The following PPP2R1A variants were observed in gnomAD, a reference collection of about 807,000 sequenced individuals.
PPP2R1A encodes the protein protein phosphatase 2 scaffold subunit Aalpha.
Under a neutral mutation model 67.1 loss-of-function variants are expected in PPP2R1A, and 15 were observed. The ratio of observed to expected loss-of-function variants is 0.22; its 90% CI spans 0.15 to 0.34. PPP2R1A has a LOEUF of 0.34. Ranked by LOEUF, PPP2R1A falls within the 10% of genes least tolerant of loss-of-function variation. The pLI is 1.00. For synonymous variants in PPP2R1A, 337 were observed against 325.0 expected (o/e 1.04, Z -0.40); for missense variants, 369 against 775.0 (o/e 0.48, Z 6.22).
intron 13 of PPP2R1A, among the ~76,000 whole-genome samples, chr19:52,223,093 A>G (rs10417820): frequency 0.16 from 23,847 of 152,214 alleles, 2,322 homozygotes; most frequent in African/African-American, 0.28. Context: ...TAAATCGCCC[A>G]ATAGAATGGA....
chr19:52,215,910 G>A lies in PPP2R1A; in HGVS notation c.922+17G>A, dbSNP rs369216849. On this transcript the variant is annotated intron_variant, in intron 7 of 14. Transcript: ENST00000322088. The stretch of plus-strand genomic sequence containing the variant: ...AGGTCAAAGGTTGGTGCTGGCAGCC[G>A]GAACACAGCAAGTGGGGTGGGTATC... 6.8e-5 allele frequency: 110 copies of A among 1,613,104 alleles called. No homozygotes were observed. The highest frequency in any genetic ancestry group is 8.1e-5 in the Non-Finnish European group (95 of 1,179,214).
chr19:52,224,431 C>G (rs1420640137), intron 13 of PPP2R1A, among the ~76,000 whole-genome samples: 1 of 152,230 alleles, frequency 6.6e-6, no homozygotes, highest in Non-Finnish European at 1.5e-5. Flanking sequence ...TCTTACGTAC[C>G]AGTTTGGTCT....
rs1423253406 is a variant in PPP2R1A, at chr19:52,216,801, T to C, written c.1128+138T>C. The C allele has an allele frequency of 1.3e-5, 17 of 1,352,932 alleles. No individual in the cohort carries two copies. The highest frequency in any genetic ancestry group is 1.4e-5 in the Non-Finnish European group (14 of 984,630). 83.8% of individuals were successfully genotyped at this position (1,352,932 alleles called of 1,614,324 possible). ...CCAGATCTTTGCTGAGTTGCATGTT[T>C]GTGGGCATAGCTGTGTGTTCATGCG... is the stretch of plus-strand genomic sequence containing the variant. On this transcript the variant is annotated intron_variant, in intron 9 of 14. Coordinates refer to ENST00000322088, the MANE Select transcript of PPP2R1A (RefSeq NM_014225.6). The surrounding 1 kb of genome is among the most constrained non-coding windows in gnomAD (Gnocchi z 4.3).
chr19:52,212,974 CG>C lies in PPP2R1A; in HGVS notation c.673del (p.Val225TrpfsTer5). The C allele has an allele frequency of 1.2e-6, 2 of 1,602,580 alleles. No individual in the cohort carries two copies. Among genetic ancestry groups the C allele is most frequent in the Non-Finnish European group, 1.7e-6 (2 of 1,174,642 alleles). On this transcript the variant is annotated frameshift_variant, in exon 6 of 15. Transcript: ENST00000322088. LOFTEE classifies it high-confidence loss of function. This position sits in a 1 kb window ranked among gnomAD's most constrained non-coding sequence, Gnocchi z 4.1. ...CCCTAGGACTCGGTGCGGCTGCTGG[CG>C]GTGGAGGCGTGCGTGAACATCGCCC... ...SDEQDSVRLL[A>X]VEACVNIAQL...
rs1461821534 is a variant in PPP2R1A, at chr19:52,216,750, G to A, written c.1128+87G>A. ...GCTAGGGTTTACCTAGATTGACCAGGAATCTGCTGATATCTCAACAGACAT... is the reference window on the plus strand; with the variant it reads ...GCTAGGGTTTACCTAGATTGACCAGAAATCTGCTGATATCTCAACAGACAT... On this transcript the variant is annotated intron_variant, in intron 9 of 14. Coordinates refer to ENST00000322088, the MANE Select transcript of PPP2R1A (RefSeq NM_014225.6). The surrounding 1 kb of genome is among the most constrained non-coding windows in gnomAD (Gnocchi z 4.3). 16 of 1,574,570 alleles carry A rather than the reference G, an allele frequency of 1.0e-5. No individual in the cohort carries two copies. The highest frequency in any genetic ancestry group is 1.3e-5 in the Non-Finnish European group (15 of 1,150,090).
At chr19:52,198,854 A>G in intron 1 of PPP2R1A, among the ~76,000 whole-genome samples, 1 of 152,252 alleles carries the variant, frequency 6.6e-6, no homozygotes, top group East Asian at 1.9e-4. Flanking sequence ...TACATACCTC[A>G]GAGCAGTTAT....
chr19:52,219,573 G>C lies in PPP2R1A; in HGVS notation c.1129-118G>C. On this transcript the variant is annotated intron_variant, in intron 9 of 14. Transcript: ENST00000322088. The surrounding 1 kb of genome is among the most constrained non-coding windows in gnomAD (Gnocchi z 4.0). Reference sequence around the variant, plus strand: ...TTCCCAGAACGGGGAGCTGGGCTTGGACAGGAGTAGTCCCTCGGGAGATGT... The same window carrying C: ...TTCCCAGAACGGGGAGCTGGGCTTGCACAGGAGTAGTCCCTCGGGAGATGT... 1 of 1,068,414 alleles carries C rather than the reference G, an allele frequency of 9.4e-7. No individual in the cohort carries two copies. 66.2% of individuals were successfully genotyped at this position (1,068,414 alleles called of 1,614,324 possible).
At position 52,225,616 on chromosome 19, in the gene PPP2R1A, CGT is replaced by C. The variant is rs565517850; in HGVS notation, c.1662-98_1662-97del. ...CCTCCCACCTTGGGTTTGGTGTATC[CGT>C]GTCTGTGTACACTCTCTTGCCCAAG... On this transcript the variant is annotated intron_variant, in intron 13 of 14. Transcript: ENST00000322088. The C allele has an allele frequency of 7.7e-5, 80 of 1,043,552 alleles. 1 individual carries two copies. The African/African-American group carries it at 9.9e-4, about 13-fold the overall frequency. 64.6% of individuals were successfully genotyped at this position (1,043,552 alleles called of 1,614,324 possible).
intron 2 of PPP2R1A, among the ~76,000 whole-genome samples, chr19:52,203,421 G>T (rs2089571414): frequency 6.6e-6 from 1 of 152,180 alleles, no homozygotes; most frequent in Non-Finnish European, 1.5e-5. Context: ...GAAAAATGTT[G>T]GACCTGGGTT....
At position 52,215,992 on chromosome 19, in the gene PPP2R1A, C is replaced by G; in HGVS notation, c.923-12C>G. On this transcript the variant is annotated splice_polypyrimidine_tract_variant and intron_variant, in intron 7 of 14. Transcript: ENST00000322088. ...GTCTCACTTCCCTTTGCCTCCCTCT[C>G]CCTGCCCACAGAGTTCTGTGAAAAC... The G allele has an allele frequency of 6.2e-7, 1 of 1,613,666 alleles. No individual in the cohort carries two copies. The highest frequency in any genetic ancestry group is 8.5e-7 in the Non-Finnish European group (1 of 1,179,534).
Position 52,211,621 on chromosome 19 carries a change from A to G in PPP2R1A, c.503+129A>G, listed in dbSNP as rs974619903. 1.5e-5 allele frequency: 14 copies of G among 916,090 alleles called. No homozygotes were observed. The African/African-American group carries it at 2.0e-4, about 13-fold the overall frequency. The allele number at this position is 916,090 out of a possible 1,614,324, so 56.7% of individuals were successfully genotyped here. On this transcript the variant is annotated intron_variant, in intron 4 of 14. Coordinates refer to ENST00000322088, the MANE Select transcript of PPP2R1A (RefSeq NM_014225.6). This position sits in a 1 kb window ranked among gnomAD's most constrained non-coding sequence, Gnocchi z 5.3. Reference sequence around the variant, plus strand: ...ACTCTCTCCACTCCCACTCCTGCTTACCACCTGATAGGCCACATCCTCGAG... The same window carrying G: ...ACTCTCTCCACTCCCACTCCTGCTTGCCACCTGATAGGCCACATCCTCGAG...
chr19:52,226,333 G>T lies in PPP2R1A; in HGVS notation c.*352G>T, dbSNP rs1026141408. The T allele has an allele frequency of 1.0e-5, 4 of 382,794 alleles. No homozygotes were observed. Among genetic ancestry groups the T allele is most frequent in the Non-Finnish European group, 1.4e-5 (3 of 212,802 alleles). The allele number at this position is 382,794 out of a possible 1,614,324, so 23.7% of individuals were successfully genotyped here. ...CCACCTCCCGTCCTCCCCATCATTG[G>T]TTTTTTTTTGTGTGTCAACTGTGCC... On this transcript the variant is annotated 3_prime_UTR_variant, in exon 15 of 15. Coordinates refer to ENST00000322088, the MANE Select transcript of PPP2R1A (RefSeq NM_014225.6).
chr19:52,207,325 T>C (rs2089614431), intron 3 of PPP2R1A, among the ~76,000 whole-genome samples: 1 of 152,162 alleles, frequency 6.6e-6, no homozygotes, highest in African/African-American at 2.4e-5. Flanking sequence ...TTTCAGTAGC[T>C]TCTCAGAGGA....
intron 1 of PPP2R1A, among the ~76,000 whole-genome samples, chr19:52,199,037 C>T (rs1387702931): frequency 1.3e-5 from 2 of 152,218 alleles, no homozygotes; most frequent in Non-Finnish European, 1.5e-5. Context: ...TAGTATGGCC[C>T]TAGCCCATGT....
At chr19:52,220,065 C>G in intron 10 of PPP2R1A, 124 bp from the exon 11 acceptor site, 1 of 1,270,108 alleles carries the variant, frequency 7.9e-7, no homozygotes, top group Non-Finnish European at 1.1e-6. Flanking sequence ...AGGAGCACCT[C>G]AGACAAAGTT....
chr19:52,213,520 G>T lies in PPP2R1A; in HGVS notation c.807+410G>T, dbSNP rs977015801. On this transcript the variant is annotated intron_variant, in intron 6 of 14. Transcript: ENST00000322088. The surrounding 1 kb of genome is among the most constrained non-coding windows in gnomAD (Gnocchi z 4.2). ...AGTCTGTCGCCCAGGCTAGAGTCTT[G>T]TTACCCAGCTGGAGTGTGGTGGCGC... 3.5e-5 allele frequency among the ~76,000 whole-genome samples: 4 copies of T among 115,498 alleles called. No individual in the cohort carries two copies. The East Asian group carries it at 8.6e-4, about 25-fold the overall frequency. 75.8% of individuals were successfully genotyped at this position (115,498 alleles called of 152,430 possible).
At chr19:52,192,897 C>T (rs2089467596) in intron 1 of PPP2R1A, among the ~76,000 whole-genome samples, 2 of 152,216 alleles carry the variant, frequency 1.3e-5, no homozygotes, top group Non-Finnish European at 2.9e-5. Flanking sequence ...TCTGGAAGCT[C>T]CTATGGCTGC....
intron 2 of PPP2R1A, among the ~76,000 whole-genome samples, chr19:52,204,355 TC>T (rs1215394139): frequency 1.3e-5 from 2 of 152,030 alleles, no homozygotes; most frequent in Admixed American, 1.3e-4. Flanking sequence ...GTCTGGGAGA[TC>T]AGATGGTGTA....
At chr19:52,215,631 T>A (rs2016457) in intron 6 of PPP2R1A, 148 bp from the exon 7 acceptor site, 159,129 of 648,794 alleles carry the variant, frequency 0.25, 21,473 homozygotes, top group African/African-American at 0.42. Context: ...CCGGGGCCAG[T>A]CTTGGCACTC....
Sources: gnomAD v4.1 joint callset for allele counts (sites outside exome capture counted in the v4.1 genomes callset) on GRCh38, gnomAD v4.1.1 for gene constraint, Gnocchi (gnomAD v3.1) non-coding constraint, MANE v1.5 for transcripts, NCBI Gene and HGNC (gene_info 2026-07-23, HGNC 2026-07-21) for gene names.